BIN1: variants seen among roughly 807,000 people sequenced by gnomAD.
The protein encoded by BIN1 is bridging integrator 1.
Under a neutral mutation model 82.0 loss-of-function variants are expected in BIN1, and 53 were observed. That is an observed-to-expected ratio of 0.65 (90% CI 0.52 to 0.81). The LOEUF (loss-of-function observed/expected upper bound fraction) is 0.81. BIN1 is among the 40% of genes least tolerant of loss of function. The pLI is 0.00. For missense variants in BIN1, 642 were observed against 784.4 expected (o/e 0.82, Z 2.17); for synonymous variants, 302 against 328.0 (o/e 0.92, Z 0.86).
At chr2:127,054,367 A>C in intron 12 of BIN1, 1 of 323,484 alleles carries the variant, frequency 3.1e-6, no homozygotes, top group African/African-American at 2.2e-5. Flanking sequence ...CCATCCACAG[A>C]CTGGTGGGCC....
chr2:127,063,825 ACTGGACACCGCAGCACGCAGG>A, intron 8 of BIN1, 87 bp downstream of exon 8: 2 of 1,447,204 alleles, frequency 1.4e-6, no homozygotes, highest in South Asian at 2.3e-5. Context: ...CAGCACGCAG[ACTGGACACCGCAGCACGCAGG>A]CTGGGCACCA....
At chr2:127,051,999 TA>T (rs1394769888) in intron 15 of BIN1, among the ~76,000 whole-genome samples, 1 of 152,258 alleles carries the variant, frequency 6.6e-6, no homozygotes, top group Non-Finnish European at 1.5e-5. Flanking sequence ...GTAGGTGCTC[TA>T]AATGCTCCTC....
chr2:127,107,106 A>ACGGGCGAGCGAGCCAGCGAG lies in BIN1; in HGVS notation c.-183_-164dup, dbSNP rs1681264213. 6.8e-6 allele frequency: 5 copies of ACGGGCGAGCGAGCCAGCGAG among 734,286 alleles called. No individual in the cohort carries two copies. Among genetic ancestry groups the ACGGGCGAGCGAGCCAGCGAG allele is most frequent in the Non-Finnish European group, 9.6e-6 (5 of 522,440 alleles). The allele number at this position is 734,286 out of a possible 1,614,324, so 45.5% of individuals were successfully genotyped here. ...CTGACGGAGGCGGAGCGTGCGCCGGACGGGCGAGCGAGCCAGCGAGCTAGC... is the reference window on the plus strand; with the variant it reads ...CTGACGGAGGCGGAGCGTGCGCCGGACGGGCGAGCGAGCCAGCGAGCGGGCGAGCGAGCCAGCGAGCTAGC... On this transcript the variant is annotated 5_prime_UTR_variant, in exon 1 of 19. Coordinates refer to ENST00000316724, the MANE Select transcript of BIN1 (RefSeq NM_139343.3). This position sits in a 1 kb window ranked among gnomAD's most constrained non-coding sequence, Gnocchi z 5.9.
rs1685521597 is a variant in BIN1 at position 127,069,048 on chromosome 2, A to C, written c.412-17T>G. 1 of 1,612,158 alleles carries C rather than the reference A, an allele frequency of 6.2e-7. No individual in the cohort carries two copies. On this transcript the variant is annotated splice_polypyrimidine_tract_variant and intron_variant, in intron 5 of 18. Coordinates refer to ENST00000316724, the MANE Select transcript of BIN1 (RefSeq NM_139343.3). ...AATGCGTGACTGGGGCAGACAGAGGAGGGCACTAAGCGGGGCCTGGCACCC... is the reference window on the plus strand; with the variant it reads ...AATGCGTGACTGGGGCAGACAGAGGCGGGCACTAAGCGGGGCCTGGCACCC...
chr2:127,080,469 T>G (rs1687149055), intron 1 of BIN1, among the ~76,000 whole-genome samples: 1 of 152,230 alleles, frequency 6.6e-6, no homozygotes, highest in African/African-American at 2.4e-5. Flanking sequence ...GGATTTGCAC[T>G]CTGTCCAGGG....
At chr2:127,072,122 C>A (rs1685965757) in intron 2 of BIN1, among the ~76,000 whole-genome samples, 1 of 152,248 alleles carries the variant, frequency 6.6e-6, no homozygotes, top group Non-Finnish European at 1.5e-5. Flanking sequence ...AGCATGCCTG[C>A]AGCGCTCCAG....
At chr2:127,053,789 AGGGGAAGGGCAGTGACCCAGGCCTAGCT>A (rs1170293525) in intron 13 of BIN1, 88 bp downstream of exon 13, 87 of 1,005,336 alleles carry the variant, frequency 8.7e-5, no homozygotes, top group Non-Finnish European at 1.3e-4. Context: ...CTGAGGTGCC[AGGGGAAGGGCAGTGACCCAGGCCTAGCT>A]GGGGTCACGT....
intron 1 of BIN1, among the ~76,000 whole-genome samples, chr2:127,100,930 A>T (rs1680230143): frequency 6.8e-6 from 1 of 147,528 alleles, no homozygotes; most frequent in South Asian, 2.1e-4. Context: ...AGAGATCATG[A>T]CCCCTGTTTC....
At chr2:127,061,234 C>T (rs545996299) in intron 10 of BIN1, among the ~76,000 whole-genome samples, 65 of 127,230 alleles carry the variant, frequency 5.1e-4, no homozygotes, top group East Asian at 2.8e-3. Flanking sequence ...ACCACCACAA[C>T]GCCACCGTCC....
chr2:127,075,744 C>A (rs1200741365), intron 2 of BIN1, among the ~76,000 whole-genome samples: 3 of 111,214 alleles, frequency 2.7e-5, no homozygotes, highest in African/African-American at 7.2e-5. Flanking sequence ...ATGCTCCCAG[C>A]CCTCCCAGCT....
chr2:127,051,783 C>T (rs1233983501), intron 15 of BIN1, among the ~76,000 whole-genome samples: 5 of 152,248 alleles, frequency 3.3e-5, no homozygotes, highest in South Asian at 4.1e-4. Context: ...CACCGCAGCA[C>T]GGGCACCACG....
intron 7 of BIN1, among the ~76,000 whole-genome samples, chr2:127,064,233 G>A (rs1684870043): frequency 6.6e-6 from 1 of 152,238 alleles, no homozygotes; most frequent in Admixed American, 6.5e-5. Flanking sequence ...AGGGAGGGCT[G>A]AGCAGCCGTT....
At chr2:127,048,713 T>C in intron 18 of BIN1, 80 bp from the exon 19 acceptor site, 1 of 1,370,070 alleles carries the variant, frequency 7.3e-7, no homozygotes, top group South Asian at 1.2e-5. Flanking sequence ...TCCAACCTGC[T>C]GGGAAGACGG....
At chr2:127,103,029 A>G (rs1412811411) in intron 1 of BIN1, among the ~76,000 whole-genome samples, 1 of 152,178 alleles carries the variant, frequency 6.6e-6, no homozygotes, top group Admixed American at 6.5e-5. Flanking sequence ...AGAGGGGGGC[A>G]TCTTTGTGCT....
chr2:127,068,783 C>T lies in BIN1; in HGVS notation c.519+141G>A, dbSNP rs563623275. Reference sequence around the variant, plus strand: ...GCACCCACAAGGGCCTCTCACTCACCGGCCTGGGCCCTGTATCGTCCCCAC... The same window carrying T: ...GCACCCACAAGGGCCTCTCACTCACTGGCCTGGGCCCTGTATCGTCCCCAC... On this transcript the variant is annotated intron_variant, in intron 6 of 18. Transcript: ENST00000316724. This position sits in a 1 kb window ranked among gnomAD's most constrained non-coding sequence, Gnocchi z 4.9. 19 of 803,914 alleles carry T rather than the reference C, an allele frequency of 2.4e-5. No homozygotes were observed. Among genetic ancestry groups the T allele is most frequent in the South Asian group, 4.5e-5 (3 of 66,384 alleles). 49.8% of individuals were successfully genotyped at this position (803,914 alleles called of 1,614,324 possible).
intron 10 of BIN1, among the ~76,000 whole-genome samples, chr2:127,061,663 G>A (rs554004103): frequency 2.0e-4 from 31 of 152,306 alleles, no homozygotes; most frequent in African/African-American, 6.3e-4. Context: ...GAGGATGCTC[G>A]TGTGGTTGAG....
chr2:127,057,312 G>A lies in BIN1; in HGVS notation c.1131+161C>T, dbSNP rs1390626221. On this transcript the variant is annotated intron_variant, in intron 12 of 18. Transcript: ENST00000316724. This position sits in a 1 kb window ranked among gnomAD's most constrained non-coding sequence, Gnocchi z 5.0. ...TCAGAGATGGGTGATGGAGGATGAT[G>A]GAGGATGATGGATGGAGGGAACAAA... Among the ~76,000 whole-genome samples the A allele has an allele frequency of 6.6e-6, 1 of 152,216 alleles. No individual in the cohort carries two copies. Among genetic ancestry groups the A allele is most frequent in the African/African-American group, 2.4e-5 (1 of 41,462 alleles).
At chr2:127,087,585 G>C (rs574820028) in intron 1 of BIN1, among the ~76,000 whole-genome samples, 2 of 152,340 alleles carry the variant, frequency 1.3e-5, no homozygotes, top group Admixed American at 6.5e-5. Context: ...GCTGGGGTGA[G>C]CACTCTCACA....
At chr2:127,050,302 G>A (rs1411546425) in intron 18 of BIN1, 119 bp downstream of exon 18, 2 of 1,024,552 alleles carry the variant, frequency 2.0e-6, no homozygotes, top group Non-Finnish European at 3.0e-6. Flanking sequence ...TGGCGCGGGA[G>A]CCCTGGTGCT....
Sources: gnomAD v4.1 joint callset for allele counts (sites outside exome capture counted in the v4.1 genomes callset) on GRCh38, gnomAD v4.1.1 for gene constraint, Gnocchi (gnomAD v3.1) non-coding constraint, MANE v1.5 for transcripts, NCBI Gene and HGNC (gene_info 2026-07-23, HGNC 2026-07-21) for gene names.